IL1RAPL2: variants seen among roughly 807,000 people sequenced by gnomAD.
The protein encoded by IL1RAPL2 is X-linked interleukin-1 receptor accessory protein-like 2.
Under a neutral mutation model 44.1 loss-of-function variants are expected in IL1RAPL2, and 3 were observed. The observed-to-expected ratio is 0.07, with a 90% CI of 0.03 to 0.18. The LOEUF is 0.18. Ranked by LOEUF, IL1RAPL2 falls within the 10% of genes least tolerant of loss-of-function variation. The pLI is 1.00. For missense variants in IL1RAPL2, 391 were observed against 496.4 expected, an observed-to-expected ratio of 0.79 and a Z score of 2.02; for synonymous variants, 181 against 178.8, an observed-to-expected ratio of 1.01 and a Z score of -0.10.
At chrX:105,093,346 T>A (rs989622366) in intron 2 of IL1RAPL2, among the ~76,000 whole-genome samples, 1 of 111,965 alleles carries the variant, frequency 8.9e-6, no homozygotes, top group South Asian at 3.7e-4. Context: ...AGAATAACTA[T>A]GATGACAAAG....
At chrX:104,658,847 G>A in intron 1 of IL1RAPL2, 48 bp from the exon 2 acceptor site, 1 of 851,919 alleles carries the variant, frequency 1.2e-6, no homozygotes, top group Non-Finnish European at 1.7e-6. Flanking sequence ...TTTTGTTGAG[G>A]CCAAGATCTG....
At chrX:105,675,845 A>G (rs776144273) in intron 6 of IL1RAPL2, among the ~76,000 whole-genome samples, 1 of 111,619 alleles carries the variant, frequency 9.0e-6, no homozygotes, top group Non-Finnish European at 1.9e-5. Flanking sequence ...GGAACTTATT[A>G]TTGGTCTATT....
At chrX:104,916,064 T>C (rs996772856) in intron 2 of IL1RAPL2, among the ~76,000 whole-genome samples, 1 of 111,727 alleles carries the variant, frequency 9.0e-6, no homozygotes, top group African/African-American at 3.3e-5. Context: ...TCTTTTTTGT[T>C]TCCATATGAA....
At chrX:105,246,515 A>G (rs991167320) in intron 4 of IL1RAPL2, among the ~76,000 whole-genome samples, 2 of 111,702 alleles carry the variant, frequency 1.8e-5, no homozygotes, top group Non-Finnish European at 3.8e-5. Flanking sequence ...AACAAATGTA[A>G]CTAAATGCAA....
chrX:105,537,197 G>A (rs1052928950), intron 6 of IL1RAPL2, among the ~76,000 whole-genome samples: 4 of 111,595 alleles, frequency 3.6e-5, no homozygotes, highest in African/African-American at 1.3e-4. Flanking sequence ...TTTTATTTGG[G>A]AACAATAGAT....
At chrX:104,883,477 G>T (rs911332888) in intron 2 of IL1RAPL2, among the ~76,000 whole-genome samples, 6 of 111,308 alleles carry the variant, frequency 5.4e-5, no homozygotes, top group African/African-American at 2.0e-4. Context: ...CAAGTTGGTT[G>T]ACCCTGTGAC....
At chrX:105,201,746 C>T (rs1197139532) in intron 3 of IL1RAPL2, among the ~76,000 whole-genome samples, 1 of 111,844 alleles carries the variant, frequency 8.9e-6, no homozygotes, top group Non-Finnish European at 1.9e-5. Context: ...TCAATTCCAA[C>T]TTAACTATTG....
chrX:104,844,079 T>C (rs1442446401), intron 2 of IL1RAPL2, among the ~76,000 whole-genome samples: 1 of 110,693 alleles, frequency 9.0e-6, no homozygotes, highest in Non-Finnish European at 1.9e-5. Flanking sequence ...AAAGTTTCTG[T>C]AGTGCCCAAG....
At chrX:105,011,815 A>G (rs1037130905) in intron 2 of IL1RAPL2, among the ~76,000 whole-genome samples, 2 of 110,397 alleles carry the variant, frequency 1.8e-5, no homozygotes, top group African/African-American at 6.6e-5. Context: ...TCTCTTGGGT[A>G]TATATCTAGG....
intron 7 of IL1RAPL2, among the ~76,000 whole-genome samples, chrX:105,717,703 C>G (rs910419735): frequency 1.8e-5 from 2 of 111,783 alleles, no homozygotes; most frequent in Non-Finnish European, 3.8e-5. Flanking sequence ...GGTATAATGA[C>G]CCTCCAAAAG....
At chrX:105,043,433 C>G (rs778799388) in intron 2 of IL1RAPL2, among the ~76,000 whole-genome samples, 1 of 109,149 alleles carries the variant, frequency 9.2e-6, no homozygotes, top group Non-Finnish European at 1.9e-5. Context: ...TTCATTTAGA[C>G]TTGGGAGGCA....
Position 105,767,028 on chromosome X carries a change from A to G in IL1RAPL2, c.1428A>G (p.Pro476=). 8.3e-7 allele frequency: 1 copy of G among 1,209,361 alleles called. No individual in the cohort carries two copies. The highest frequency in any genetic ancestry group is 1.1e-6 in the Non-Finnish European group (1 of 893,266). The change falls in exon 11 of 11, where the codon CCA becomes CCG. Residue 476 remains proline (P), a synonymous_variant. Transcript: ENST00000372582. ...QSRRLIIVLT[P]DYILRRGWSI... ...GAAGACTTATTATCGTGCTAACTCC[A>G]GACTATATTCTCAGACGGGGATGGA...
intron 3 of IL1RAPL2, among the ~76,000 whole-genome samples, chrX:105,224,076 T>C (rs1326573226): frequency 9.1e-6 from 1 of 109,886 alleles, no homozygotes; most frequent in African/African-American, 3.3e-5. Flanking sequence ...TTCAATAAAA[T>C]TGCTGGAGAT....
At chrX:105,476,271 A>G (rs976465023) in intron 5 of IL1RAPL2, among the ~76,000 whole-genome samples, 3 of 113,010 alleles carry the variant, frequency 2.7e-5, no homozygotes, top group African/African-American at 9.6e-5. Context: ...TCCTCTGAAT[A>G]TAAACTTTCA....
chrX:104,822,472 G>A (rs2147624138), intron 2 of IL1RAPL2, among the ~76,000 whole-genome samples: 1 of 111,906 alleles, frequency 8.9e-6, no homozygotes, highest in East Asian at 2.8e-4. Context: ...CATATGGCTA[G>A]CCAGTTTTCC....
chrX:105,618,116 C>T (rs758037740), intron 6 of IL1RAPL2, among the ~76,000 whole-genome samples: 53 of 106,526 alleles, frequency 5.0e-4, no homozygotes, highest in Admixed American at 5.0e-4. Flanking sequence ...CTCTCTCTCT[C>T]TCACTCACAC....
At chrX:105,087,931 A>G (rs1364531613) in intron 2 of IL1RAPL2, among the ~76,000 whole-genome samples, 1 of 112,233 alleles carries the variant, frequency 8.9e-6, no homozygotes, top group African/African-American at 3.2e-5. Context: ...ACTTCTGCCT[A>G]TGTGGTTTAT....
At chrX:104,977,295 A>G (rs2030356637) in intron 2 of IL1RAPL2, among the ~76,000 whole-genome samples, 1 of 112,047 alleles carries the variant, frequency 8.9e-6, no homozygotes, top group African/African-American at 3.2e-5. Context: ...GTCCCATTCA[A>G]GGTGGTACTA....
intron 3 of IL1RAPL2, among the ~76,000 whole-genome samples, chrX:105,198,507 C>A (rs2033690280): frequency 8.9e-6 from 1 of 112,079 alleles, no homozygotes; most frequent in South Asian, 3.7e-4. Flanking sequence ...ACTTTATATC[C>A]AGCTTTCCCA....
Sources: allele counts gnomAD v4.1 joint callset (sites outside exome capture counted in the v4.1 genomes callset), GRCh38; gene constraint gnomAD v4.1.1; transcripts MANE v1.5; gene names NCBI Gene and HGNC (gene_info 2026-07-23, HGNC 2026-07-21).